Variants in ESR1 observed in about 807,000 individuals in gnomAD.
ESR1 encodes the protein estrogen receptor.
ESR1 carries 12 observed loss-of-function variants against 52.7 expected under a neutral mutation model. The observed-to-expected ratio is 0.23, with a 90% CI of 0.15 to 0.37. The LOEUF is 0.37. Ranked by LOEUF, ESR1 falls within the 10% of genes least tolerant of loss-of-function variation. The pLI is 1.00. For missense variants in ESR1, 584 were observed against 779.7 expected, an observed-to-expected ratio of 0.75 and a Z score of 2.99; for synonymous variants, 305 against 316.8, an observed-to-expected ratio of 0.96 and a Z score of 0.39.
chr6:152,064,122 G>A (rs1385742227), intron 6 of ESR1, among the ~76,000 whole-genome samples: 1 of 152,208 alleles, frequency 6.6e-6, no homozygotes, highest in Non-Finnish European at 1.5e-5. Context: ...GACACACGTT[G>A]TTTGTTTTTC....
At chr6:151,947,164 C>T (rs1700622548) in intron 4 of ESR1, among the ~76,000 whole-genome samples, 2 of 151,988 alleles carry the variant, frequency 1.3e-5, no homozygotes, top group Admixed American at 6.5e-5. Flanking sequence ...CAAAACAGTA[C>T]AAAAATTAGC....
intron 4 of ESR1, among the ~76,000 whole-genome samples, chr6:151,981,892 C>T (rs2040025071): frequency 6.6e-6 from 1 of 152,172 alleles, no homozygotes; most frequent in Admixed American, 6.5e-5. Flanking sequence ...CAAAAGGGGA[C>T]ATATTTCTTG....
intron 1 of ESR1, among the ~76,000 whole-genome samples, chr6:151,700,349 A>T (rs986740645): frequency 6.6e-6 from 1 of 152,128 alleles, no homozygotes; most frequent in Non-Finnish European, 1.5e-5. Flanking sequence ...TTCCACTTAA[A>T]ATTCTGAGGC....
At chr6:152,110,504 C>A (rs2051118813) in intron 6 of ESR1, among the ~76,000 whole-genome samples, 1 of 151,646 alleles carries the variant, frequency 6.6e-6, no homozygotes, top group Admixed American at 6.6e-5. Flanking sequence ...TAAAGGGGAA[C>A]AACACATACT....
intron 2 of ESR1, among the ~76,000 whole-genome samples, chr6:151,749,844 T>C (rs1050902188): frequency 3.3e-5 from 5 of 152,130 alleles, no homozygotes; most frequent in Non-Finnish European, 7.4e-5. Flanking sequence ...GATCTGACAA[T>C]CTCATTCAGA....
intron 4 of ESR1, among the ~76,000 whole-genome samples, chr6:151,973,194 T>C (rs1006648484): frequency 6.6e-6 from 1 of 152,184 alleles, no homozygotes; most frequent in Non-Finnish European, 1.5e-5. Flanking sequence ...ACCAAAAGAT[T>C]ATCTCATTTA....
chr6:151,796,299 T>C (rs1306176112), intron 2 of ESR1, among the ~76,000 whole-genome samples: 1 of 152,122 alleles, frequency 6.6e-6, no homozygotes, highest in African/African-American at 2.4e-5. Context: ...TGCATGTTAC[T>C]ATCTGGGTCT....
intron 4 of ESR1, among the ~76,000 whole-genome samples, chr6:152,004,444 G>A (rs2042181829): frequency 6.6e-6 from 1 of 151,930 alleles, no homozygotes; most frequent in Non-Finnish European, 1.5e-5. Flanking sequence ...CGTATTTAAG[G>A]TCTTGGTAAA....
intron 6 of ESR1, among the ~76,000 whole-genome samples, chr6:152,075,142 T>C (rs566083271): frequency 5.2e-4 from 79 of 152,264 alleles, no homozygotes; most frequent in African/African-American, 1.8e-3. Flanking sequence ...GTGCACAGGG[T>C]AGTGAGGGAA....
At chr6:152,032,234 A>T (rs1185139714) in intron 5 of ESR1, among the ~76,000 whole-genome samples, 2 of 152,222 alleles carry the variant, frequency 1.3e-5, no homozygotes, top group African/African-American at 2.4e-5. Flanking sequence ...CTGGCACAAG[A>T]CAGGGATGCC....
chr6:151,667,036 T>C (rs1777853688), intron 1 of ESR1, among the ~76,000 whole-genome samples: 1 of 152,070 alleles, frequency 6.6e-6, no homozygotes, highest in Non-Finnish European at 1.5e-5. Flanking sequence ...GGAGAATTAG[T>C]AGAAAACAGA....
At chr6:152,014,455 A>G (rs1298365935) in intron 5 of ESR1, among the ~76,000 whole-genome samples, 1 of 151,900 alleles carries the variant, frequency 6.6e-6, no homozygotes, top group Non-Finnish European at 1.5e-5. Flanking sequence ...TCCCAACTCA[A>G]TGTTCTATAA....
In ESR1 at chr6:152,013,969, A is replaced by T. The variant is rs960221146; in HGVS notation, c.1235+2175A>T. Among the ~76,000 whole-genome samples, 4 of 152,050 alleles carry T rather than the reference A, an allele frequency of 2.6e-5. No individual in the cohort carries two copies. In the East Asian group the frequency reaches 7.7e-4, roughly 29 times the overall value. On this transcript the variant is annotated intron_variant, in intron 5 of 7. Transcript: ENST00000206249. ...TCCCATAGTTCCCATGTGTCATGGG[A>T]GGGACCCGGTGGGAGGTAACTGAAA...
chr6:151,857,500 C>A (rs1341751412), intron 2 of ESR1, among the ~76,000 whole-genome samples: 2 of 151,778 alleles, frequency 1.3e-5, no homozygotes, highest in Non-Finnish European at 2.9e-5. Flanking sequence ...CACCCACACA[C>A]ACACACACAC....
chr6:151,671,734 G>A (rs1237264659), intron 1 of ESR1, among the ~76,000 whole-genome samples: 1 of 152,104 alleles, frequency 6.6e-6, no homozygotes, highest in Non-Finnish European at 1.5e-5. Context: ...GCTTATGCCT[G>A]TAATCCCAGC....
chr6:152,035,656 A>T (rs1330546360), intron 5 of ESR1, among the ~76,000 whole-genome samples: 2 of 152,202 alleles, frequency 1.3e-5, no homozygotes, highest in Non-Finnish European at 2.9e-5. Context: ...ACTATAATTC[A>T]GTTCTAAAGT....
intron 1 of ESR1, among the ~76,000 whole-genome samples, chr6:151,818,959 A>G (rs1780118579): frequency 6.6e-6 from 1 of 152,130 alleles, no homozygotes; most frequent in South Asian, 2.1e-4. Flanking sequence ...TGGTGTGGCA[A>G]TCAAGCCCTT....
chr6:151,943,095 G>C (rs940589898), intron 3 of ESR1, among the ~76,000 whole-genome samples: 1 of 152,024 alleles, frequency 6.6e-6, no homozygotes, highest in Non-Finnish European at 1.5e-5. Context: ...AAACCTTTGT[G>C]GGGGGCCGGG....
chr6:151,896,900 A>G (rs1407587388), intron 3 of ESR1, among the ~76,000 whole-genome samples: 1 of 152,110 alleles, frequency 6.6e-6, no homozygotes, highest in Non-Finnish European at 1.5e-5. Context: ...GTTCAATTCG[A>G]AGAATTTTAA....
Sources: allele counts gnomAD v4.1 joint callset (sites outside exome capture counted in the v4.1 genomes callset), GRCh38; gene constraint gnomAD v4.1.1; transcripts MANE v1.5; gene names NCBI Gene and HGNC (gene_info 2026-07-23, HGNC 2026-07-21).